The following PARP12 variants were observed in gnomAD, a reference collection of about 807,000 sequenced individuals.
PARP12 encodes the protein poly(ADP-ribose) polymerase family member 12.
Under a neutral mutation model 72.4 loss-of-function variants are expected in PARP12, and 59 were observed. That is an observed-to-expected ratio of 0.81 (90% CI 0.66 to 1.01). The LOEUF (loss-of-function observed/expected upper bound fraction) is 1.01. Ranked by LOEUF, PARP12 falls within the 50% of genes least tolerant of loss-of-function variation. The pLI is 0.00. For synonymous variants in PARP12, 403 were observed against 371.4 expected, an observed-to-expected ratio of 1.09 and a Z score of -0.98; for missense variants, 851 against 914.0, an observed-to-expected ratio of 0.93 and a Z score of 0.89.
intron 1 of PARP12, among the ~76,000 whole-genome samples, chr7:140,058,877 C>T (rs1817311103): frequency 6.6e-6 from 1 of 152,096 alleles, no homozygotes; most frequent in African/African-American, 2.4e-5. Context: ...GGATGGATCA[C>T]TTGAGGTCGG....
Position 140,024,807 on chromosome 7 carries a change from G to A in PARP12, c.1859C>T (p.Ala620Val), listed in dbSNP as rs17161356. Residue 620 changes from alanine to valine, a missense_variant, in exon 12 of 12, where the codon GCC becomes GTC. This residue lies in a region of PARP12 where 347 missense variants were observed against 396.1 expected (regional missense o/e 0.88). Transcript: ENST00000263549. ...GACGAACTCGCCCACCAGCACCCGG[G>A]CCAGGAACATCGTGTGGGTCTGCGT... ...SDTQTHTMFL[A>V]RVLVGEFVRG... 1.4e-3 allele frequency: 2,271 copies of A among 1,614,148 alleles called. 23 individuals are homozygous for A. The African/African-American group carries it at 0.027, about 19-fold the overall frequency.
intron 8 of PARP12, among the ~76,000 whole-genome samples, chr7:140,029,637 T>G (rs1297944975): frequency 2.0e-5 from 3 of 151,980 alleles, no homozygotes; most frequent in Non-Finnish European, 4.4e-5. Flanking sequence ...TCTTCCTATG[T>G]TTAAAGGAAA....
intron 4 of PARP12, among the ~76,000 whole-genome samples, chr7:140,048,628 C>T (rs1816832432): frequency 6.6e-6 from 1 of 152,138 alleles, no homozygotes; most frequent in Non-Finnish European, 1.5e-5. Flanking sequence ...TCTAACTAAA[C>T]ACACACACAT....
intron 8 of PARP12, chr7:140,033,359 A>G: frequency 1.0e-6 from 1 of 985,424 alleles, no homozygotes; most frequent in South Asian, 4.7e-5. Flanking sequence ...AAAACAAAAG[A>G]ACCAAAAGAG....
At chr7:140,029,466 C>T (rs949334022) in intron 8 of PARP12, among the ~76,000 whole-genome samples, 1 of 152,144 alleles carries the variant, frequency 6.6e-6, no homozygotes, top group African/African-American at 2.4e-5. Context: ...GAAACATATA[C>T]CTTCATCCTA....
rs760130796 is a variant in PARP12 at position 140,033,562 on chromosome 7, C to A, written c.1421+673G>T. 1.0e-5 allele frequency: 10 copies of A among 985,422 alleles called. No homozygotes were observed. The African/African-American group carries it at 1.7e-4, about 17-fold the overall frequency. 61.0% of individuals were successfully genotyped at this position (985,422 alleles called of 1,614,324 possible). On this transcript the variant is annotated intron_variant, in intron 8 of 11. Transcript: ENST00000263549. ...ATGTGGCTGTGTGGTTTGGAGAACA[C>A]TGACCCCTTCCTCTCAGTTCCAATC... is the stretch of plus-strand genomic sequence containing the variant.
At chr7:140,055,859 C>A (rs545364492) in intron 3 of PARP12, among the ~76,000 whole-genome samples, 1 of 152,310 alleles carries the variant, frequency 6.6e-6, no homozygotes, top group East Asian at 1.9e-4. Context: ...AAGTCAGGTA[C>A]AATTAGAGTG....
At chr7:140,047,096 C>A in intron 4 of PARP12, 89 bp from the exon 5 acceptor site, 1 of 1,417,936 alleles carries the variant, frequency 7.1e-7, no homozygotes. Flanking sequence ...GTGCTGCCCA[C>A]TGACCTGGGA....
chr7:140,041,824 C>T lies in PARP12; in HGVS notation c.1002G>A (p.Glu334=), dbSNP rs775524493. ...AATGAGAGTGAAAGGTACTGGCTGA[C>T]TCAGAGCACAGGATCCTACAGAAGA... The part of the protein sequence containing the change: ...NPKIERILCS[E]SASTFHSHCL... Residue 334 remains glutamate, a synonymous_variant, in exon 6 of 12, where the codon GAG becomes GAA. Coordinates refer to ENST00000263549, the MANE Select transcript of PARP12 (RefSeq NM_022750.4). The T allele has an allele frequency of 2.5e-5, 41 of 1,613,460 alleles. No homozygotes were observed. Among genetic ancestry groups the T allele is most frequent in the Admixed American group, 6.7e-5 (4 of 59,946 alleles).
Position 140,023,749 on chromosome 7 carries a change from T to C in PARP12, c.*811A>G, listed in dbSNP as rs1437912753. 6.5e-6 allele frequency: 1 copy of C among 152,694 alleles called. No individual in the cohort carries two copies. Among genetic ancestry groups the C allele is most frequent in the Non-Finnish European group, 1.5e-5 (1 of 68,072 alleles). 9.5% of individuals were successfully genotyped at this position (152,694 alleles called of 1,614,324 possible). On this transcript the variant is annotated 3_prime_UTR_variant, in exon 12 of 12. Transcript: ENST00000263549. ...AAAATGAGCTTCAGTCTTCATCCAC[T>C]TCGGATAAATTTTCTTTTATTTCCA...
chr7:140,047,096 C>T (rs1286331237), intron 4 of PARP12, 89 bp from the exon 5 acceptor site: 1 of 1,417,816 alleles, frequency 7.1e-7, no homozygotes, highest in African/African-American at 1.4e-5. Context: ...GTGCTGCCCA[C>T]TGACCTGGGA....
intron 1 of PARP12, among the ~76,000 whole-genome samples, chr7:140,058,569 G>T (rs1272617348): frequency 6.6e-6 from 1 of 151,954 alleles, no homozygotes; most frequent in Admixed American, 6.6e-5. Context: ...GACATGGTGA[G>T]AAGGTGGCCA....
chr7:140,046,833 T>TGTGTGTGTCACA, intron 5 of PARP12, 51 bp downstream of exon 5: 4 of 1,188,022 alleles, frequency 3.4e-6, no homozygotes, highest in East Asian at 3.1e-5. Flanking sequence ...TGTGTGTGTG[T>TGTGTGTGTCACA]CACACACAGA....
chr7:140,035,241 G>A (rs902215181), intron 7 of PARP12, among the ~76,000 whole-genome samples: 1 of 152,138 alleles, frequency 6.6e-6, no homozygotes. Context: ...CTCATTCAGA[G>A]CCCATGATCC....
intron 2 of PARP12, 180 bp downstream of exon 2, chr7:140,057,719 T>C (rs193195494): frequency 8.5e-5 from 68 of 802,282 alleles, no homozygotes; most frequent in Non-Finnish European, 1.0e-4. Context: ...AACTGGGTTG[T>C]TGGCAAAGCT....
intron 7 of PARP12, among the ~76,000 whole-genome samples, chr7:140,036,941 G>A (rs1164676360): frequency 6.6e-6 from 1 of 152,190 alleles, no homozygotes; most frequent in African/African-American, 2.4e-5. Context: ...GACACCATGA[G>A]TGCACGAAAA....
rs921882853 is a variant in PARP12, at chr7:140,047,788, G to C, written c.863-781C>G. ...GTGCACCACCACACAGCTAATTTTTGTATTTTTTGTAGAGACAAGGTTTCA... is the reference window on the plus strand; with the variant it reads ...GTGCACCACCACACAGCTAATTTTTCTATTTTTTGTAGAGACAAGGTTTCA... On this transcript the variant is annotated intron_variant, in intron 4 of 11. Coordinates refer to ENST00000263549, the MANE Select transcript of PARP12 (RefSeq NM_022750.4). Among the ~76,000 whole-genome samples, 4 of 152,102 alleles carry C rather than the reference G, an allele frequency of 2.6e-5. No individual in the cohort carries two copies. In the South Asian group the frequency reaches 8.3e-4, roughly 32 times the overall value.
chr7:140,050,370 A>G (rs1475861526), intron 4 of PARP12, among the ~76,000 whole-genome samples: 3 of 152,164 alleles, frequency 2.0e-5, no homozygotes, highest in East Asian at 1.9e-4. Flanking sequence ...AAGTGTGAAT[A>G]TAAGGGTTAG....
chr7:140,031,261 T>C (rs944695206), intron 8 of PARP12, among the ~76,000 whole-genome samples: 2 of 152,088 alleles, frequency 1.3e-5, no homozygotes, highest in Admixed American at 1.3e-4. Flanking sequence ...TGGTCCCAAC[T>C]ACTTGGGATG....
Sources: gnomAD v4.1 joint callset for allele counts (sites outside exome capture counted in the v4.1 genomes callset) on GRCh38, gnomAD v4.1.1 for gene constraint, gnomAD v4.1.1 regional missense constraint, MANE v1.5 for transcripts, NCBI Gene and HGNC (gene_info 2026-07-23, HGNC 2026-07-21) for gene names.